The following SLC2A11 variants were observed in gnomAD, a reference collection of about 807,000 sequenced individuals.
SLC2A11 encodes the protein solute carrier family 2, facilitated glucose transporter member 11.
In SLC2A11, 43 loss-of-function variants were observed where a neutral mutation model predicts 52.1. The ratio of observed to expected loss-of-function variants is 0.82; its 90% CI spans 0.65 to 1.06. The LOEUF (loss-of-function observed/expected upper bound fraction) is 1.06, where lower values mean the gene tolerates loss of function less well. Ranked by LOEUF, SLC2A11 falls within the 50% of genes least tolerant of loss-of-function variation. The probability of loss-of-function intolerance (pLI) is 0.00; values close to 1 mark genes in which losing one functional copy is unlikely to be tolerated. For missense variants in SLC2A11, 582 were observed against 654.2 expected (o/e 0.89, Z 1.20); for synonymous variants, 261 against 277.6 (o/e 0.94, Z 0.59).
rs1316867346 is a variant in SLC2A11 at position 23,882,620 on chromosome 22, G to A, written c.856G>A (p.Ala286Thr). ...QVTSLVVLGS[A>T]MELCGNDSVY... ...GACAAGCCTCGTGGTTCTGGGCAGT[G>A]CCATGGAGCTCTGCGGGAATGACTC... The change falls in exon 7 of 12, where the codon GCC becomes ACC. Residue 286 changes from alanine (A) to threonine (T), a missense_variant. Transcript: ENST00000316185. The A allele has an allele frequency of 6.2e-7, 1 of 1,613,234 alleles. No individual in the cohort carries two copies. The highest frequency in any genetic ancestry group is 8.5e-7 in the Non-Finnish European group (1 of 1,179,724).
Position 23,884,840 on chromosome 22 carries a change from A to C in SLC2A11, c.1491A>C (p.Thr497=), listed in dbSNP as rs745440632. ...TWRSLEVIQS[T]EL is the part of the protein sequence containing the mutation. ...GGAGCCTGGAGGTTATCCAGTCAACAGAACTCTAGTCCCAAAGGGGTGGCC... is the reference window on the plus strand; with the variant it reads ...GGAGCCTGGAGGTTATCCAGTCAACCGAACTCTAGTCCCAAAGGGGTGGCC... The change falls in exon 12 of 12, where the codon ACA becomes ACC. Residue 497 remains threonine (T), a synonymous_variant. Coordinates refer to ENST00000316185, the MANE Select transcript of SLC2A11 (RefSeq NM_001024939.4). This position sits in a 1 kb window ranked among gnomAD's most constrained non-coding sequence, Gnocchi z 4.3. The C allele has an allele frequency of 1.9e-6, 3 of 1,614,128 alleles. No individual in the cohort carries two copies. The highest frequency in any genetic ancestry group is 2.5e-6 in the Non-Finnish European group (3 of 1,179,990).
rs140740332 is a variant in SLC2A11, at chr22:23,882,802, C to T, written c.926C>T (p.Pro309Leu). 41 of 1,613,860 alleles carry T rather than the reference C, an allele frequency of 2.5e-5. No individual in the cohort carries two copies. Among genetic ancestry groups the T allele is most frequent in the Middle Eastern group, 3.3e-4 (2 of 6,062 alleles). The change falls in exon 8 of 12, where the codon CCG (proline) becomes CTG (leucine). Residue 309 changes from proline (P) to leucine (L), a missense_variant. Pro to Leu is a moderately conservative substitution (Grantham distance 98, BLOSUM62 -3). Transcript: ENST00000316185. ...TCCGTGTTCCGGAAGGCAGGAGTGC[C>T]GGAAGCGAAGATCCAGTACGCGATC... ...ASSVFRKAGV[P>L]EAKIQYAIIG... is the part of the protein sequence containing the mutation.
intron 2 of SLC2A11, chr22:23,867,886 A>G: frequency 2.6e-6 from 1 of 377,734 alleles, no homozygotes; most frequent in Non-Finnish European, 5.5e-6. Flanking sequence ...ATCCTTCATA[A>G]CAAACCAGTA....
upstream of SLC2A11, chr22:23,857,078 G>C (rs868240295): frequency 1.0e-4 from 123 of 1,229,280 alleles, 7 homozygotes; most frequent in African/African-American, 1.6e-3. Context: ...GTGTGTGGGG[G>C]GGGGGGGGTG....
At chr22:23,877,518 G>A (rs1185021320) in intron 5 of SLC2A11, 1 of 785,220 alleles carries the variant, frequency 1.3e-6, no homozygotes, top group Non-Finnish European at 2.2e-6. Flanking sequence ...GAGTTGCTAG[G>A]GATGAGGTGG....
intron 2 of SLC2A11, among the ~76,000 whole-genome samples, chr22:23,864,259 C>G (rs941802354): frequency 2.6e-5 from 4 of 152,048 alleles, no homozygotes; most frequent in African/African-American, 9.7e-5. Flanking sequence ...AGCAGCCCAG[C>G]CTCTTAAAGA....
At chr22:23,864,231 G>T (rs932982750) in intron 2 of SLC2A11, among the ~76,000 whole-genome samples, 6 of 152,104 alleles carry the variant, frequency 3.9e-5, no homozygotes, top group Non-Finnish European at 8.8e-5. Context: ...AGATAGAGGT[G>T]GGGATAGAAA....
At chr22:23,859,896 CA>C (rs1217567046) in intron 1 of SLC2A11, among the ~76,000 whole-genome samples, 3 of 152,116 alleles carry the variant, frequency 2.0e-5, no homozygotes, top group Non-Finnish European at 4.4e-5. Context: ...TCAAAGTTTT[CA>C]AAAATAATAC....
chr22:23,857,586 C>CG, upstream of SLC2A11: 2 of 1,475,478 alleles, frequency 1.4e-6, no homozygotes, highest in Non-Finnish European at 1.9e-6. Context: ...AACCCCCCCC[C>CG]CGCGGCGGCG....
At chr22:23,857,442 G>A (rs999085943), upstream of SLC2A11, 13 of 1,612,468 alleles carry the variant, frequency 8.1e-6, no homozygotes, top group African/African-American at 1.3e-5. Context: ...GGGCTTAGCC[G>A]AGTAAGGAGT....
chr22:23,857,458 G>A, upstream of SLC2A11: 1 of 1,613,610 alleles, frequency 6.2e-7, no homozygotes, highest in Non-Finnish European at 8.5e-7. Flanking sequence ...GGAGTGAGCG[G>A]CTTTTCAGCC....
intron 1 of SLC2A11, 85 bp downstream of exon 1, chr22:23,858,114 G>A: frequency 6.6e-7 from 1 of 1,526,144 alleles, no homozygotes; most frequent in Non-Finnish European, 8.9e-7. Flanking sequence ...CAGCCACCTG[G>A]GAGGCTTAAC....
Position 23,883,766 on chromosome 22 carries a change from T to G in SLC2A11, c.994-6T>G, listed in dbSNP as rs763183134. The G allele has an allele frequency of 1.3e-6, 2 of 1,517,202 alleles. No homozygotes were observed. Among genetic ancestry groups the G allele is most frequent in the African/African-American group, 2.8e-5 (2 of 70,650 alleles). The allele number at this position is 1,517,202 out of a possible 1,614,324, so 94.0% of individuals were successfully genotyped here. On this transcript the variant is annotated splice_polypyrimidine_tract_variant and splice_region_variant and intron_variant, in intron 8 of 11. Coordinates refer to ENST00000316185, the MANE Select transcript of SLC2A11 (RefSeq NM_001024939.4). ...GTGTGTGGGTCTGTGCTTTCTGCCT[T>G]TGCAGTGTGTGGTAATCGAGAGGGT...
rs934206957 is a variant in SLC2A11 at position 23,883,809 on chromosome 22, T to C, written c.1031T>C (p.Leu344Pro). 6.4e-7 allele frequency: 1 copy of C among 1,563,558 alleles called. No homozygotes were observed. The highest frequency in any genetic ancestry group is 8.6e-7 in the Non-Finnish European group (1 of 1,159,168). ...VIERVGRRVL[L>P]IGGYSLMTCW... ...GAGAGGGTGGGTCGGCGCGTGCTGC[T>C]CATCGGTGGGTACAGCCTGATGACC... Residue 344 changes from leucine (L) to proline (P), a missense_variant, in exon 9 of 12, where the codon CTC becomes CCC. Coordinates refer to ENST00000316185, the MANE Select transcript of SLC2A11 (RefSeq NM_001024939.4).
chr22:23,884,711 C>T lies in SLC2A11; in HGVS notation c.1362C>T (p.Tyr454=). The T allele has an allele frequency of 6.2e-7, 1 of 1,614,216 alleles. No homozygotes were observed. The highest frequency in any genetic ancestry group is 8.5e-7 in the Non-Finnish European group (1 of 1,180,038). The change falls in exon 12 of 12, where the codon TAC becomes TAT. Residue 454 remains tyrosine, a synonymous_variant. Transcript: ENST00000316185. The surrounding 1 kb of genome is among the most constrained non-coding windows in gnomAD (Gnocchi z 4.3). Reference sequence around the variant, plus strand: ...GTGTCTGTGTCTGTGGGGCCATCTACACTGGCCTGTTCCTTCCTGAGACCA... The same window carrying T: ...GTGTCTGTGTCTGTGGGGCCATCTATACTGGCCTGTTCCTTCCTGAGACCA... ...FLGVCVCGAI[Y]TGLFLPETKG...
chr22:23,864,984 G>A (rs9612494), intron 2 of SLC2A11, among the ~76,000 whole-genome samples: 44,175 of 151,652 alleles, frequency 0.29, 6,772 homozygotes, highest in Non-Finnish European at 0.33. Context: ...GGCATGTGCC[G>A]TGATCCCAGC....
rs769484328 is a variant in SLC2A11 at position 23,884,782 on chromosome 22, A to C, written c.1433A>C (p.Asn478Thr). 1 of 1,614,158 alleles carries C rather than the reference A, an allele frequency of 6.2e-7. No homozygotes were observed. The highest frequency in any genetic ancestry group is 1.1e-5 in the South Asian group (1 of 91,078). ...QEISKELHRLNFPRRAQGPTW... is the reference protein window; with the variant it reads ...QEISKELHRLTFPRRAQGPTW... Reference sequence around the variant, plus strand: ...ATCTCCAAGGAATTACACAGACTCAACTTCCCCAGGCGGGCCCAGGGCCCC... The same window carrying C: ...ATCTCCAAGGAATTACACAGACTCACCTTCCCCAGGCGGGCCCAGGGCCCC... The change falls in exon 12 of 12, where the codon AAC (asparagine) becomes ACC (threonine). Residue 478 changes from asparagine (N) to threonine (T), a missense_variant. By Grantham distance (65) the Asn-to-Thr change is moderately conservative. Coordinates refer to ENST00000316185, the MANE Select transcript of SLC2A11 (RefSeq NM_001024939.4). This position sits in a 1 kb window ranked among gnomAD's most constrained non-coding sequence, Gnocchi z 4.3.
chr22:23,867,819 C>G (rs1005209421), intron 2 of SLC2A11: 11 of 467,532 alleles, frequency 2.4e-5, no homozygotes, highest in Non-Finnish European at 1.8e-5. Flanking sequence ...CTCTAGCAAC[C>G]TACTCTCCCA....
At chr22:23,862,686 T>C (rs2154603) in intron 2 of SLC2A11, among the ~76,000 whole-genome samples, 119,226 of 151,688 alleles carry the variant, frequency 0.79, 47,100 homozygotes, top group Middle Eastern at 0.89. Context: ...TGCAATGGCA[T>C]GATCTTGGCT....
Sources: gnomAD v4.1 joint callset for allele counts (sites outside exome capture counted in the v4.1 genomes callset) on GRCh38, gnomAD v4.1.1 for gene constraint, Gnocchi (gnomAD v3.1) non-coding constraint, MANE v1.5 for transcripts, NCBI Gene and HGNC (gene_info 2026-07-23, HGNC 2026-07-21) for gene names.